TPPP: variants seen among roughly 807,000 people sequenced by gnomAD.
The protein encoded by TPPP is tubulin polymerization promoting protein.
In TPPP, 6 loss-of-function variants were observed where a neutral mutation model predicts 15.5. The observed-to-expected ratio is 0.39, with a 90% CI of 0.21 to 0.77. The LOEUF is 0.77. Among genes scored for constraint, TPPP ranks in the 30% least tolerant of loss-of-function variants. The pLI is 0.42. For synonymous variants in TPPP, 146 were observed against 133.9 expected (o/e 1.09, Z -0.63); for missense variants, 269 against 307.2 (o/e 0.88, Z 0.93).
chr5:700,050 C>G, the TPPP span, among the ~76,000 whole-genome samples: 3 of 151,868 alleles, frequency 2.0e-5, no homozygotes, highest in Non-Finnish European at 4.4e-5. Context: ...TCTCAAAGAA[C>G]TAAAAATAGA....
At position 666,120 on chromosome 5, in the gene TPPP, C is replaced by T. The variant is rs773375702; in HGVS notation, c.315G>A (p.Gly105=). 1 of 1,470,326 alleles carries T rather than the reference C, an allele frequency of 6.8e-7. No individual in the cohort carries two copies. The highest frequency in any genetic ancestry group is 1.2e-5 in the South Asian group (1 of 81,494). The allele number at this position is 1,470,326 out of a possible 1,614,324, so 91.1% of individuals were successfully genotyped here. The change falls in exon 3 of 4, where the codon GGG becomes GGA. Residue 105 remains glycine (G), a synonymous_variant. Coordinates refer to ENST00000360578, the MANE Select transcript of TPPP (RefSeq NM_007030.3). ...DVDIVFSKIK[G]KSCRTITFEQ... is the part of the protein sequence containing the mutation. ...CAAAGGTGATGGTCCGGCAAGACTT[C>T]CCTCTACAGGGGCACAGGCGACTTA...
At chr5:669,392 T>C (rs977450457) in intron 2 of TPPP, among the ~76,000 whole-genome samples, 4 of 152,098 alleles carry the variant, frequency 2.6e-5, no homozygotes. Flanking sequence ...TTCCCTGTGG[T>C]GCTAGAAGAG....
chr5:671,725 G>T (rs1740230833), intron 2 of TPPP, among the ~76,000 whole-genome samples: 1 of 152,232 alleles, frequency 6.6e-6, no homozygotes, highest in Admixed American at 6.5e-5. Flanking sequence ...GCTCCACTCT[G>T]CGGAAGCCAC....
chr5:684,108 C>T (rs1447839721), intron 1 of TPPP, among the ~76,000 whole-genome samples: 2 of 152,240 alleles, frequency 1.3e-5, no homozygotes, highest in Non-Finnish European at 2.9e-5. Context: ...GATGGCAAAG[C>T]TCCTGAGGGC....
intron 1 of TPPP, among the ~76,000 whole-genome samples, chr5:685,265 C>G (rs1025117017): frequency 6.6e-5 from 10 of 152,258 alleles, no homozygotes; most frequent in Non-Finnish European, 1.3e-4. Flanking sequence ...GGCTCCTGCT[C>G]TCCAGGGACC....
chr5:667,759 A>G (rs745570283), intron 2 of TPPP, among the ~76,000 whole-genome samples: 3 of 151,112 alleles, frequency 2.0e-5, no homozygotes, highest in Non-Finnish European at 4.4e-5. Flanking sequence ...ACCACCAGAG[A>G]AGACACGTGC....
the TPPP span, among the ~76,000 whole-genome samples, chr5:699,250 A>T: frequency 1.2e-4 from 18 of 152,216 alleles, 2 homozygotes; most frequent in Admixed American, 5.2e-4. Flanking sequence ...CTACAAGGGT[A>T]TGGTAACCAA....
chr5:665,276 T>G lies in TPPP; in HGVS notation c.486A>C (p.Thr162=), dbSNP rs375077697. The change falls in exon 4 of 4, where the codon ACA becomes ACC. Residue 162 remains threonine (T), a synonymous_variant. Transcript: ENST00000360578. The stretch of plus-strand genomic sequence containing the variant: ...TGGTGGTGTCCGTGAGCCTCGACAC[T>G]GTGGGCGACGAGATGGCTTTCTGCA... ...SGVTKAISSP[T]VSRLTDTTKF... 3 of 1,613,128 alleles carry G rather than the reference T, an allele frequency of 1.9e-6. No homozygotes were observed. Among genetic ancestry groups the G allele is most frequent in the African/African-American group, 2.7e-5 (2 of 74,800 alleles).
At chr5:681,715 C>T (rs1243679579) in intron 1 of TPPP, among the ~76,000 whole-genome samples, 15 of 139,476 alleles carry the variant, frequency 1.1e-4, no homozygotes, top group Non-Finnish European at 1.7e-4. Context: ...AGGAGGATGG[C>T]ACCTACGGGC....
chr5:667,936 GGGGCCGTGTGGGCGCCGTCAGGGAAGTGC>G, intron 2 of TPPP, among the ~76,000 whole-genome samples: 1 of 63,166 alleles, frequency 1.6e-5, no homozygotes. Context: ...ACACAGAGAG[GGGGCCGTGTGGGCGCCGTCAGGGAAGTGC>G]GGACAAGCAC....
chr5:665,556 C>T (rs74553517), intron 3 of TPPP, among the ~76,000 whole-genome samples: 20,285 of 151,784 alleles, frequency 0.13, 1,735 homozygotes, highest in Admixed American at 0.19. Context: ...ACCACCTGCA[C>T]CCTCAGAGGG....
Position 664,784 on chromosome 5 carries a change from T to C in TPPP, c.*318A>G, listed in dbSNP as rs1039702378. ...TCCTGTTGCCATGACAGCCAGCTGC[T>C]TTAAAACGCCCCTTTGACCTGCAAA... is the stretch of plus-strand genomic sequence containing the variant. On this transcript the variant is annotated 3_prime_UTR_variant, in exon 4 of 4. Transcript: ENST00000360578. 1 of 298,324 alleles carries C rather than the reference T, an allele frequency of 3.4e-6. No individual in the cohort carries two copies. Among genetic ancestry groups the C allele is most frequent in the South Asian group, 5.4e-5 (1 of 18,634 alleles). The allele number at this position is 298,324 out of a possible 1,614,324, so 18.5% of individuals were successfully genotyped here.
upstream of TPPP, among the ~76,000 whole-genome samples, chr5:696,546 G>T (rs1741014883): frequency 1.4e-5 from 2 of 143,348 alleles, no homozygotes; most frequent in Admixed American, 7.0e-5. Context: ...GCTCCTGTGT[G>T]GGCCCTGGGC....
intron 2 of TPPP, chr5:676,308 G>A (rs12516318): frequency 0.12 from 18,098 of 152,320 alleles, 1,398 homozygotes; most frequent in South Asian, 0.18. Context: ...TGTGTGACCC[G>A]GGAGACACAT....
chr5:694,751 T>C (rs1740987976), upstream of TPPP, among the ~76,000 whole-genome samples: 2 of 23,360 alleles, frequency 8.6e-5, no homozygotes, highest in South Asian at 2.9e-3. Context: ...CTCGGCTGCC[T>C]TCTCGTCCCG....
intron 1 of TPPP, among the ~76,000 whole-genome samples, chr5:693,034 G>T (rs1381788003): frequency 6.7e-6 from 1 of 149,960 alleles, no homozygotes; most frequent in Non-Finnish European, 1.5e-5. Flanking sequence ...GGCCGACGGT[G>T]ACCCCCGCTC....
intron 1 of TPPP, among the ~76,000 whole-genome samples, chr5:691,575 C>G (rs1740864917): frequency 1.6e-5 from 1 of 63,582 alleles, no homozygotes. Context: ...CCCCCAACCC[C>G]CATCAAAACA....
At chr5:679,367 G>C (rs1347205086) in intron 1 of TPPP, among the ~76,000 whole-genome samples, 1 of 148,756 alleles carries the variant, frequency 6.7e-6, no homozygotes, top group Non-Finnish European at 1.5e-5. Context: ...AGGATGCAGG[G>C]GCAGGATCCT....
At chr5:695,816 C>G (rs1381304540), upstream of TPPP, among the ~76,000 whole-genome samples, 1 of 146,246 alleles carries the variant, frequency 6.8e-6, no homozygotes, top group Middle Eastern at 3.5e-3. Flanking sequence ...CCTATTTTAA[C>G]GTAAGGTCTT....
Sources: gnomAD v4.1 joint callset for allele counts (sites outside exome capture counted in the v4.1 genomes callset) on GRCh38, gnomAD v4.1.1 for gene constraint, MANE v1.5 for transcripts, NCBI Gene and HGNC (gene_info 2026-07-23, HGNC 2026-07-21) for gene names.